The following CCDC102B variants were observed in gnomAD, a reference collection of about 807,000 sequenced individuals.
CCDC102B encodes the protein coiled-coil domain containing 102B.
Under a neutral mutation model 57.4 loss-of-function variants are expected in CCDC102B, and 75 were observed. The ratio of observed to expected loss-of-function variants is 1.31; its 90% CI spans 1.08 to 1.58. CCDC102B has a LOEUF of 1.58. CCDC102B is among the 40% of genes most tolerant of loss of function. The pLI, the probability that CCDC102B is intolerant of heterozygous loss-of-function variation, is 0.00. For missense variants in CCDC102B, 636 were observed against 582.6 expected (o/e 1.09, Z -0.94); for synonymous variants, 206 against 201.9 (o/e 1.02, Z -0.17).
intron 7 of CCDC102B, among the ~76,000 whole-genome samples, chr18:69,026,382 G>T (rs1403879638): frequency 1.3e-5 from 2 of 150,274 alleles, no homozygotes; most frequent in Admixed American, 1.3e-4. Flanking sequence ...CAGGAGAATC[G>T]CTTGAAGCCT....
Position 69,006,585 on chromosome 18 carries a change from CTTTTTTTTTTTTTT to C in CCDC102B, c.1264-4334_1264-4321del, listed in dbSNP as rs200615759. Among the ~76,000 whole-genome samples, 349 of 134,204 alleles carry C rather than the reference CTTTTTTTTTTTTTT, an allele frequency of 2.6e-3. 5 individuals carry two copies. Among genetic ancestry groups the C allele is most frequent in the East Asian group, 4.7e-3 (21 of 4,510 alleles). 88.0% of individuals were successfully genotyped at this position (134,204 alleles called of 152,430 possible). A position where few individuals can be genotyped will look rare whatever the true frequency, so the allele number is the denominator to read the frequency against. The stretch of plus-strand genomic sequence containing the variant: ...TACAGGCACATGCCACCACACAGGG[CTTTTTTTTTTTTTT>C]TTTTTTTTTTTTTTGGTATTTTTAG... On this transcript the variant is annotated intron_variant, in intron 6 of 7. Coordinates refer to ENST00000360242, the MANE Select transcript of CCDC102B (RefSeq NM_024781.3).
intron 2 of CCDC102B, among the ~76,000 whole-genome samples, chr18:68,735,876 A>G (rs1487537183): frequency 6.6e-6 from 1 of 152,142 alleles, no homozygotes; most frequent in Admixed American, 6.5e-5. Flanking sequence ...TCTTTTGCCA[A>G]TTTCTCTTCT....
chr18:68,953,195 A>G (rs1047264193), intron 6 of CCDC102B, among the ~76,000 whole-genome samples: 13 of 152,114 alleles, frequency 8.5e-5, no homozygotes, highest in Admixed American at 4.6e-4. Context: ...GGCATTTATA[A>G]TATACATTTG....
At position 69,054,166 on chromosome 18, in the gene CCDC102B, A is replaced by G; in HGVS notation, c.*29A>G. On this transcript the variant is annotated 3_prime_UTR_variant, in exon 8 of 8. Coordinates refer to ENST00000360242, the MANE Select transcript of CCDC102B (RefSeq NM_024781.3). Reference sequence around the variant, plus strand: ...TTTCACAAAATATGCTGAATTAAAGATTAGGGCCTTAAAGACATTTCCATA... The same window carrying G: ...TTTCACAAAATATGCTGAATTAAAGGTTAGGGCCTTAAAGACATTTCCATA... 9 of 1,566,770 alleles carry G rather than the reference A, an allele frequency of 5.7e-6. No homozygotes were observed. Among genetic ancestry groups the G allele is most frequent in the Non-Finnish European group, 6.9e-6 (8 of 1,163,312 alleles).
At chr18:68,817,180 T>G (rs2036518458) in intron 1 of CCDC102B, among the ~76,000 whole-genome samples, 1 of 152,244 alleles carries the variant, frequency 6.6e-6, no homozygotes, top group African/African-American at 2.4e-5. Context: ...ACATTACATA[T>G]GCCTGAGAAT....
intron 2 of CCDC102B, among the ~76,000 whole-genome samples, chr18:68,765,993 T>A (rs940512280): frequency 3.3e-5 from 5 of 152,112 alleles, no homozygotes; most frequent in Non-Finnish European, 5.9e-5. Context: ...GAAAATCCAA[T>A]TGAACAAAAT....
chr18:68,867,789 TC>T (rs2039063491), intron 4 of CCDC102B, among the ~76,000 whole-genome samples: 1 of 151,296 alleles, frequency 6.6e-6, no homozygotes, highest in Admixed American at 6.6e-5. Flanking sequence ...AAAAAATTAG[TC>T]AGGAGTGGTG....
At chr18:68,912,179 G>GT (rs2040899554) in intron 6 of CCDC102B, among the ~76,000 whole-genome samples, 2 of 151,880 alleles carry the variant, frequency 1.3e-5, no homozygotes, top group Non-Finnish European at 2.9e-5. Flanking sequence ...TTTCTACAAA[G>GT]TAAGGTCTAT....
At chr18:68,947,888 T>A (rs2049585146) in intron 6 of CCDC102B, among the ~76,000 whole-genome samples, 1 of 152,152 alleles carries the variant, frequency 6.6e-6, no homozygotes, top group South Asian at 2.1e-4. Flanking sequence ...AAATTTCTGT[T>A]TAATCTAGAA....
At chr18:69,041,028 G>C (rs1429529989) in intron 7 of CCDC102B, among the ~76,000 whole-genome samples, 2 of 152,174 alleles carry the variant, frequency 1.3e-5, no homozygotes, top group East Asian at 1.9e-4. Context: ...AAGTAGGCTA[G>C]AGTGTTAGAG....
intron 6 of CCDC102B, among the ~76,000 whole-genome samples, chr18:68,944,480 T>C (rs1457961642): frequency 1.3e-5 from 2 of 150,834 alleles, no homozygotes; most frequent in Non-Finnish European, 3.0e-5. Context: ...TGCTTCCTGG[T>C]TGGCAGATGG....
rs542712071 is a variant in CCDC102B, at chr18:68,760,464, A to AT, written c.-67+43875dup. Among the ~76,000 whole-genome samples the AT allele has an allele frequency of 4.1e-3, 628 of 152,184 alleles. 2 individuals are homozygous for AT. Among genetic ancestry groups the AT allele is most frequent in the African/African-American group, 0.013 (550 of 41,544 alleles). ...TACTTTATTTCAAGAATAAAGAGAA[A>AT]TTTTTCTCATGAGTTATTAAATAAA... is the stretch of plus-strand genomic sequence containing the variant. On this transcript the variant is annotated intron_variant, in intron 2 of 3. Coordinates refer to the CCDC102B transcript ENST00000578970.
chr18:68,905,365 A>C lies in CCDC102B; in HGVS notation c.1263+7937A>C, dbSNP rs550395281. On this transcript the variant is annotated intron_variant, in intron 6 of 7. Transcript: ENST00000360242. ...ATTATTTACCTTCCTATTTAAAAGGACATAAAACACTATTGTTACAAAGAT... is the reference window on the plus strand; with the variant it reads ...ATTATTTACCTTCCTATTTAAAAGGCCATAAAACACTATTGTTACAAAGAT... 4.0e-5 allele frequency among the ~76,000 whole-genome samples: 6 copies of C among 150,222 alleles called. No homozygotes were observed. The South Asian group carries it at 1.3e-3, about 32-fold the overall frequency.
At chr18:68,985,306 G>C (rs2050694982) in intron 6 of CCDC102B, among the ~76,000 whole-genome samples, 1 of 152,056 alleles carries the variant, frequency 6.6e-6, no homozygotes, top group African/African-American at 2.4e-5. Context: ...ATATATTTTT[G>C]AAGTGCCATC....
Position 68,836,794 on chromosome 18 carries a change from G to T in CCDC102B, c.31G>T (p.Glu11Ter), listed in dbSNP as rs935921777. The T allele has an allele frequency of 6.2e-7, 1 of 1,613,162 alleles. No individual in the cohort carries two copies. The highest frequency in any genetic ancestry group is 8.5e-7 in the Non-Finnish European group (1 of 1,179,726). Reference sequence around the variant, plus strand: ...TTTAGATTCCATACATCGATTAATTGAGGAAACACAGATCTTCCAGATGCA... The same window carrying T: ...TTTAGATTCCATACATCGATTAATTTAGGAAACACAGATCTTCCAGATGCA... MNLDSIHRLI[E>*]ETQIFQMQQS... The change falls in exon 2 of 8, where the codon GAG becomes TAG. Residue 11 changes from glutamate to a stop codon, truncating the protein, a stop_gained. Transcript: ENST00000360242. LOFTEE classifies it high-confidence loss of function.
At chr18:68,910,184 T>C (rs1415341754) in intron 6 of CCDC102B, among the ~76,000 whole-genome samples, 3 of 152,300 alleles carry the variant, frequency 2.0e-5, no homozygotes, top group African/African-American at 4.8e-5. Context: ...TCCTAGCTAC[T>C]TCAGAGGCTG....
intron 6 of CCDC102B, among the ~76,000 whole-genome samples, chr18:69,000,770 C>G (rs568796537): frequency 1.3e-5 from 2 of 152,070 alleles, no homozygotes; most frequent in African/African-American, 2.4e-5. Flanking sequence ...AGTCTGGGAA[C>G]CTGCAGCGTC....
chr18:68,875,407 A>G (rs188319811), intron 5 of CCDC102B, among the ~76,000 whole-genome samples: 50 of 152,306 alleles, frequency 3.3e-4, no homozygotes, highest in African/African-American at 1.2e-3. Flanking sequence ...AAATAGCATG[A>G]TGACATTAAA....
chr18:68,958,725 A>C (rs1290045731), intron 6 of CCDC102B, among the ~76,000 whole-genome samples: 1 of 152,062 alleles, frequency 6.6e-6, no homozygotes, highest in Non-Finnish European at 1.5e-5. Flanking sequence ...GTATTTACAC[A>C]TAGCCTGTCT....
Sources: allele counts gnomAD v4.1 joint callset (sites outside exome capture counted in the v4.1 genomes callset), GRCh38; gene constraint gnomAD v4.1.1; transcripts MANE v1.5; gene names NCBI Gene and HGNC (gene_info 2026-07-23, HGNC 2026-07-21).